MBNL2: variants seen among roughly 807,000 people sequenced by gnomAD.
MBNL2 encodes the protein muscleblind-like protein 2.
In MBNL2, 17 loss-of-function variants were observed where a neutral mutation model predicts 41.9. The ratio of observed to expected loss-of-function variants is 0.41; its 90% CI spans 0.28 to 0.61. MBNL2 has a LOEUF of 0.61. MBNL2 is among the 20% of genes least tolerant of loss of function. MBNL2 has a pLI of 0.35. For missense variants in MBNL2, 336 were observed against 505.6 expected, an observed-to-expected ratio of 0.66 and a Z score of 3.22; for synonymous variants, 195 against 182.9, an observed-to-expected ratio of 1.07 and a Z score of -0.53.
the MBNL2 span, among the ~76,000 whole-genome samples, chr13:97,177,895 A>G: frequency 6.6e-6 from 1 of 152,204 alleles, no homozygotes; most frequent in Non-Finnish European, 1.5e-5. Flanking sequence ...TGTGGTAGAA[A>G]ATGATTTTCC....
At chr13:97,221,010 T>C (rs981650967), upstream of MBNL2, among the ~76,000 whole-genome samples, 1 of 152,178 alleles carries the variant, frequency 6.6e-6, no homozygotes, top group Non-Finnish European at 1.5e-5. Flanking sequence ...AGACAAAGAA[T>C]GTAAGTATAA....
chr13:97,389,743 C>T (rs1449277216), intron 8 of MBNL2, among the ~76,000 whole-genome samples: 1 of 151,296 alleles, frequency 6.6e-6, no homozygotes, highest in Non-Finnish European at 1.5e-5. Flanking sequence ...AAAGAAACTG[C>T]AATTTTTTTT....
the MBNL2 span, among the ~76,000 whole-genome samples, chr13:97,181,180 C>T: frequency 4.6e-5 from 7 of 151,914 alleles, no homozygotes; most frequent in African/African-American, 1.7e-4. Flanking sequence ...GATCTTTGTG[C>T]TTACATGGAG....
At chr13:97,288,995 G>A (rs2055243345) in intron 2 of MBNL2, among the ~76,000 whole-genome samples, 1 of 152,016 alleles carries the variant, frequency 6.6e-6, no homozygotes, top group African/African-American at 2.4e-5. Flanking sequence ...TATTGCCAGG[G>A]GAAGGAGAAA....
intron 1 of MBNL2, among the ~76,000 whole-genome samples, chr13:97,235,937 T>C (rs1010498972): frequency 6.6e-6 from 1 of 151,974 alleles, no homozygotes; most frequent in African/African-American, 2.4e-5. Flanking sequence ...AGTGAACATG[T>C]TACCGTTAAA....
intron 8 of MBNL2, among the ~76,000 whole-genome samples, chr13:97,378,198 G>A (rs3782988): frequency 0.42 from 63,457 of 151,688 alleles, 13,575 homozygotes; most frequent in African/African-American, 0.49. Context: ...ATGTTATTAT[G>A]TAATAACACT....
chr13:97,184,907 AT>A, the MBNL2 span, among the ~76,000 whole-genome samples: 460 of 150,780 alleles, frequency 3.1e-3, 6 homozygotes, highest in South Asian at 0.014. Context: ...ATAGCCAAAA[AT>A]TTTTTTTTTA....
At chr13:97,381,003 C>T (rs1006797130) in intron 8 of MBNL2, among the ~76,000 whole-genome samples, 1 of 151,998 alleles carries the variant, frequency 6.6e-6, no homozygotes, top group African/African-American at 2.4e-5. Flanking sequence ...CCCTCCAGTA[C>T]TCTTTTTGAT....
In MBNL2 at chr13:97,300,600, C is replaced by T. The variant is rs776643115; in HGVS notation, c.174+24191C>T. The stretch of plus-strand genomic sequence containing the variant: ...TCAACCTTCTGTCTAACTCAGAGTC[C>T]GTAATACCTCCATGAAGCCCACTTA... On this transcript the variant is annotated intron_variant, in intron 2 of 8. Coordinates refer to ENST00000679496, the MANE Select transcript of MBNL2 (RefSeq NM_001382683.1). 4.6e-5 allele frequency among the ~76,000 whole-genome samples: 7 copies of T among 152,154 alleles called. No homozygotes were observed. The East Asian group carries it at 9.6e-4, about 21-fold the overall frequency.
At chr13:97,303,484 T>A (rs1459474330) in intron 2 of MBNL2, among the ~76,000 whole-genome samples, 1 of 152,136 alleles carries the variant, frequency 6.6e-6, no homozygotes, top group South Asian at 2.1e-4. Flanking sequence ...GGAGAAGGCA[T>A]AGAGGTCGGA....
intron 3 of MBNL2, among the ~76,000 whole-genome samples, chr13:97,341,917 A>G (rs2061470464): frequency 1.3e-5 from 2 of 152,244 alleles, no homozygotes; most frequent in African/African-American, 4.8e-5. Context: ...AGCATGACAC[A>G]GCATAGTTCA....
rs375464142 is a variant in MBNL2 at position 97,281,270 on chromosome 13, C to G, written c.174+4861C>G. 3.6e-4 allele frequency among the ~76,000 whole-genome samples: 55 copies of G among 152,298 alleles called. No individual in the cohort carries two copies. In the East Asian group the frequency reaches 9.6e-3, roughly 27 times the overall value. Reference sequence around the variant, plus strand: ...CATCACAGTCCATGTGATTGACACCCCCTGGAGTTGTGCAGTGGACAACCT... The same window carrying G: ...CATCACAGTCCATGTGATTGACACCGCCTGGAGTTGTGCAGTGGACAACCT... On this transcript the variant is annotated intron_variant, in intron 2 of 8. Coordinates refer to ENST00000679496, the MANE Select transcript of MBNL2 (RefSeq NM_001382683.1).
chr13:97,143,911 T>C, the MBNL2 span, among the ~76,000 whole-genome samples: 18 of 152,244 alleles, frequency 1.2e-4, no homozygotes, highest in Non-Finnish European at 2.1e-4. Context: ...TGGCATGATC[T>C]CCTCTCACTG....
chr13:97,276,082 C>T lies in MBNL2; in HGVS notation c.-154C>T, dbSNP rs936985198. 7 of 604,074 alleles carry T rather than the reference C, an allele frequency of 1.2e-5. No homozygotes were observed. The highest frequency in any genetic ancestry group is 2.8e-4 in the Middle Eastern group (1 of 3,510). 37.4% of individuals were successfully genotyped at this position (604,074 alleles called of 1,614,324 possible). A position where few individuals can be genotyped will look rare whatever the true frequency, so the allele number is the denominator to read the frequency against. The stretch of plus-strand genomic sequence containing the variant: ...ATTGCCTGTCCATACACTCTCTCAT[C>T]ATCCTGTTCCTTGGATTGGACTTCA... On this transcript the variant is annotated 5_prime_UTR_variant, in exon 2 of 9. Coordinates refer to ENST00000679496, the MANE Select transcript of MBNL2 (RefSeq NM_001382683.1).
intron 2 of MBNL2, among the ~76,000 whole-genome samples, chr13:97,279,747 T>C (rs1050307095): frequency 2.6e-5 from 4 of 152,228 alleles, no homozygotes; most frequent in Non-Finnish European, 5.9e-5. Context: ...TTTTTATTGT[T>C]GTTATATGTT....
the MBNL2 span, among the ~76,000 whole-genome samples, chr13:97,208,903 T>C: frequency 6.6e-6 from 1 of 152,172 alleles, no homozygotes; most frequent in African/African-American, 2.4e-5. Flanking sequence ...CATGCAACCT[T>C]CATGGTCATA....
the MBNL2 span, among the ~76,000 whole-genome samples, chr13:97,183,987 A>C: frequency 6.6e-6 from 1 of 152,232 alleles, no homozygotes; most frequent in African/African-American, 2.4e-5. Flanking sequence ...GAATGAAACT[A>C]AGACTTTTTA....
chr13:97,332,443 T>C (rs965954951), intron 2 of MBNL2, among the ~76,000 whole-genome samples: 1 of 152,134 alleles, frequency 6.6e-6, no homozygotes, highest in Admixed American at 6.5e-5. Context: ...CTCTTGGAGA[T>C]TTGATTTTAA....
intron 1 of MBNL2, among the ~76,000 whole-genome samples, chr13:97,248,437 C>T (rs1160368693): frequency 3.3e-5 from 5 of 152,140 alleles, no homozygotes; most frequent in African/African-American, 9.7e-5. Context: ...ACCCGGGGCC[C>T]CATAATATTT....
Sources: gnomAD v4.1 joint callset for allele counts (sites outside exome capture counted in the v4.1 genomes callset) on GRCh38, gnomAD v4.1.1 for gene constraint, MANE v1.5 for transcripts, NCBI Gene and HGNC (gene_info 2026-07-23, HGNC 2026-07-21) for gene names.